SSH2: variants seen among roughly 807,000 people sequenced by gnomAD.
SSH2 encodes slingshot protein phosphatase 2, also known as protein phosphatase Slingshot homolog 2.
SSH2 carries 37 observed loss-of-function variants against 135.2 expected under a neutral mutation model. The ratio of observed to expected loss-of-function variants is 0.27; its 90% CI spans 0.21 to 0.36. The LOEUF is 0.36. Among genes scored for constraint, SSH2 ranks in the 10% least tolerant of loss-of-function variants. The pLI, the probability that SSH2 is intolerant of heterozygous loss-of-function variation, is 1.00. For synonymous variants in SSH2, 628 were observed against 646.2 expected, an observed-to-expected ratio of 0.97 and a Z score of 0.43; for missense variants, 1,408 against 1,765.3, an observed-to-expected ratio of 0.80 and a Z score of 3.63.
At chr17:29,695,903 T>C (rs752445242) in intron 4 of SSH2, among the ~76,000 whole-genome samples, 2 of 152,072 alleles carry the variant, frequency 1.3e-5, no homozygotes, top group African/African-American at 2.4e-5. Context: ...ACTTTGAAAA[T>C]GGGTGTAGTA....
intron 1 of SSH2, among the ~76,000 whole-genome samples, chr17:29,892,622 A>G (rs2066371096): frequency 6.6e-6 from 1 of 152,152 alleles, no homozygotes; most frequent in African/African-American, 2.4e-5. Context: ...TGACTAGCTT[A>G]AATTTTTTTT....
chr17:29,631,086 G>C lies in SSH2; in HGVS notation c.4108C>G (p.Leu1370Val), dbSNP rs761374819. Reference protein sequence around the residue: ...IVQSKPVERPLVQYAKEFGSS... With the variant: ...IVQSKPVERPVVQYAKEFGSS... The stretch of plus-strand genomic sequence containing the variant: ...CCAAATTCTTTGGCATACTGCACAA[G>C]GGGCCTCTCCACTGGCTTGCTCTGC... Residue 1370 changes from leucine to valine, a missense_variant, in exon 16 of 16, where the codon CTT (leucine) becomes GTT (valine). Physicochemically the swap from Leu to Val is conservative, Grantham distance 32. Coordinates refer to ENST00000540801, the MANE Select transcript of SSH2 (RefSeq NM_001282129.2). The C allele has an allele frequency of 1.4e-5, 23 of 1,614,190 alleles. No individual in the cohort carries two copies. The highest frequency in any genetic ancestry group is 1.9e-5 in the Non-Finnish European group (23 of 1,180,042).
intron 2 of SSH2, among the ~76,000 whole-genome samples, chr17:29,824,000 T>A (rs1836278062): frequency 6.6e-6 from 1 of 152,206 alleles, no homozygotes; most frequent in Admixed American, 6.5e-5. Flanking sequence ...GGTGTTTTAT[T>A]TTTTAGTGCT....
At chr17:29,690,215 C>A (rs2038406489) in intron 5 of SSH2, among the ~76,000 whole-genome samples, 1 of 151,634 alleles carries the variant, frequency 6.6e-6, no homozygotes, top group Non-Finnish European at 1.5e-5. Context: ...ACCAGCCAGA[C>A]CAATATGGAG....
intron 3 of SSH2, among the ~76,000 whole-genome samples, chr17:29,713,071 C>T (rs1285904427): frequency 6.6e-6 from 1 of 152,208 alleles, no homozygotes; most frequent in Non-Finnish European, 1.5e-5. Context: ...CATGGTGGCT[C>T]ACGCCTGTAA....
intron 1 of SSH2, among the ~76,000 whole-genome samples, chr17:29,849,682 C>T (rs2065515159): frequency 6.6e-6 from 1 of 150,846 alleles, no homozygotes; most frequent in Non-Finnish European, 1.5e-5. Flanking sequence ...CTCATTAGCT[C>T]TCTGCTGCCA....
At chr17:29,679,953 C>G (rs1222266663) in intron 6 of SSH2, among the ~76,000 whole-genome samples, 1 of 152,076 alleles carries the variant, frequency 6.6e-6, no homozygotes, top group Non-Finnish European at 1.5e-5. Flanking sequence ...TATTTAACCT[C>G]TCTCAGCCTT....
At chr17:29,795,962 C>A (rs767294924) in intron 2 of SSH2, among the ~76,000 whole-genome samples, 4 of 152,212 alleles carry the variant, frequency 2.6e-5, no homozygotes, top group Non-Finnish European at 5.9e-5. Flanking sequence ...AGGCTGGTCT[C>A]AAACTCCTGA....
At chr17:29,688,008 G>GTTTT (rs201740279) in intron 5 of SSH2, among the ~76,000 whole-genome samples, 4 of 147,518 alleles carry the variant, frequency 2.7e-5, no homozygotes, top group Non-Finnish European at 3.0e-5. Context: ...AAACATTAGT[G>GTTTT]TTTTTTTTTT....
intron 3 of SSH2, among the ~76,000 whole-genome samples, chr17:29,728,760 C>T (rs140179493): frequency 5.1e-4 from 78 of 152,284 alleles, no homozygotes; most frequent in African/African-American, 1.8e-3. Flanking sequence ...CTACAGTGAA[C>T]TCATTTTTGA....
At chr17:29,789,524 C>A (rs1267192483) in intron 3 of SSH2, among the ~76,000 whole-genome samples, 1 of 152,192 alleles carries the variant, frequency 6.6e-6, no homozygotes, top group Non-Finnish European at 1.5e-5. Flanking sequence ...AGGATCCCCC[C>A]AAAGGCAATT....
chr17:29,734,026 C>T (rs1362760972), intron 3 of SSH2, among the ~76,000 whole-genome samples: 1 of 150,530 alleles, frequency 6.6e-6, no homozygotes, highest in Non-Finnish European at 1.5e-5. Flanking sequence ...TCAAGCGATT[C>T]TCCTGCCTCA....
In SSH2 at chr17:29,806,645, C is replaced by T. The variant is rs151146853; in HGVS notation, c.145-12708G>A. ...GAGTGTGTCATGATCCAGCCACAAC[C>T]AGGTAAATGCCTAGTGCAGCAGGGG... On this transcript the variant is annotated intron_variant, in intron 2 of 15. Coordinates refer to ENST00000540801, the MANE Select transcript of SSH2 (RefSeq NM_001282129.2). Among the ~76,000 whole-genome samples, 681 of 152,284 alleles carry T rather than the reference C, an allele frequency of 4.5e-3. 4 individuals carry two copies. The highest frequency in any genetic ancestry group is 0.015 in the African/African-American group (629 of 41,558).
chr17:29,671,007 C>A (rs2037470189), intron 9 of SSH2, among the ~76,000 whole-genome samples: 1 of 152,088 alleles, frequency 6.6e-6, no homozygotes, highest in Non-Finnish European at 1.5e-5. Flanking sequence ...CCAAAATAGT[C>A]ACAGAAGTTT....
intron 1 of SSH2, among the ~76,000 whole-genome samples, chr17:29,890,571 T>C: frequency 6.6e-6 from 1 of 152,146 alleles, no homozygotes; most frequent in East Asian, 1.9e-4. Flanking sequence ...CATAGGCCAG[T>C]CCAGAATAGG....
intron 12 of SSH2, among the ~76,000 whole-genome samples, chr17:29,655,294 CG>C (rs1241817316): frequency 3.3e-5 from 5 of 151,970 alleles, no homozygotes; most frequent in African/African-American, 1.2e-4. Context: ...TTAGTAGAGA[CG>C]GGGTTTCACT....
In SSH2 at chr17:29,739,771, T is replaced by C. The variant is rs191942578; in HGVS notation, c.189-36709A>G. Reference sequence around the variant, plus strand: ...TAAAAAACCCAACAAAAGGCCCTAGTGATTGTAGTTTACCTTTGGTTTTTT... The same window carrying C: ...TAAAAAACCCAACAAAAGGCCCTAGCGATTGTAGTTTACCTTTGGTTTTTT... On this transcript the variant is annotated intron_variant, in intron 3 of 15. Coordinates refer to ENST00000540801, the MANE Select transcript of SSH2 (RefSeq NM_001282129.2). 2.6e-5 allele frequency among the ~76,000 whole-genome samples: 4 copies of C among 152,300 alleles called. No homozygotes were observed. In the East Asian group the frequency reaches 7.7e-4, roughly 29 times the overall value.
At chr17:29,851,586 G>A (rs924987961) in intron 1 of SSH2, among the ~76,000 whole-genome samples, 2 of 151,380 alleles carry the variant, frequency 1.3e-5, no homozygotes, top group African/African-American at 4.9e-5. Context: ...AGAGCGAAAC[G>A]CCATCTCAAA....
At chr17:29,878,302 C>G (rs2066072832) in intron 1 of SSH2, among the ~76,000 whole-genome samples, 1 of 152,118 alleles carries the variant, frequency 6.6e-6, no homozygotes, top group Admixed American at 6.5e-5. Flanking sequence ...TGGTGCATGT[C>G]TGTAATCCTA....
Sources: gnomAD v4.1 joint callset for allele counts (sites outside exome capture counted in the v4.1 genomes callset) on GRCh38, gnomAD v4.1.1 for gene constraint, MANE v1.5 for transcripts, NCBI Gene and HGNC (gene_info 2026-07-23, HGNC 2026-07-21) for gene names.